The following MAPRE2 variants were observed in gnomAD, a reference collection of about 807,000 sequenced individuals.
MAPRE2 encodes the protein microtubule-associated protein RP/EB family member 2.
MAPRE2 carries 13 observed loss-of-function variants against 43.2 expected under a neutral mutation model. That is an observed-to-expected ratio of 0.30 (90% CI 0.20 to 0.48). The LOEUF (loss-of-function observed/expected upper bound fraction) is 0.48. Ranked by LOEUF, MAPRE2 falls within the 20% of genes least tolerant of loss-of-function variation. The pLI is 0.99. For synonymous variants in MAPRE2, 135 were observed against 148.8 expected, an observed-to-expected ratio of 0.91 and a Z score of 0.68; for missense variants, 161 against 400.2, an observed-to-expected ratio of 0.40 and a Z score of 5.10.
intron 1 of MAPRE2, among the ~76,000 whole-genome samples, chr18:35,047,148 T>C (rs1905672790): frequency 6.6e-6 from 1 of 152,218 alleles, no homozygotes; most frequent in Non-Finnish European, 1.5e-5. Flanking sequence ...CTAAATAGTG[T>C]GTGTGTGTTT....
rs552960920 is a variant in MAPRE2, at chr18:35,070,092, T to C, written c.123-103T>C. Reference sequence around the variant, plus strand: ...AAAGGGCTTAGCCAGAGCAGGACTTTTACATGCCCTGGAGTCCTGCCAGGA... The same window carrying C: ...AAAGGGCTTAGCCAGAGCAGGACTTCTACATGCCCTGGAGTCCTGCCAGGA... On this transcript the variant is annotated intron_variant, in intron 1 of 6. Transcript: ENST00000300249. The C allele has an allele frequency of 3.7e-4, 337 of 908,722 alleles. 3 individuals carry two copies. The Middle Eastern group carries it at 0.011, about 29-fold the overall frequency. The allele number at this position is 908,722 out of a possible 1,614,324, so 56.3% of individuals were successfully genotyped here. A position where few individuals can be genotyped will look rare whatever the true frequency, so the allele number is the denominator to read the frequency against.
At chr18:35,086,938 A>G (rs966552882) in intron 2 of MAPRE2, among the ~76,000 whole-genome samples, 4 of 152,156 alleles carry the variant, frequency 2.6e-5, no homozygotes, top group Non-Finnish European at 5.9e-5. Context: ...TATTAGAGTA[A>G]TATTTCCTTT....
At chr18:35,139,270 A>C (rs79462474) in intron 6 of MAPRE2, among the ~76,000 whole-genome samples, 1,536 of 152,280 alleles carry the variant, frequency 0.01, 12 homozygotes, top group Middle Eastern at 0.034. Flanking sequence ...AGGCATGGGC[A>C]CTTCCATATG....
chr18:35,010,354 C>T (rs1300588160), intron 2 of MAPRE2, among the ~76,000 whole-genome samples: 7 of 152,184 alleles, frequency 4.6e-5, no homozygotes, highest in African/African-American at 9.7e-5. Flanking sequence ...TACAGTGAGC[C>T]GTGATTGTAC....
chr18:35,077,212 C>T (rs1907399877), intron 2 of MAPRE2, among the ~76,000 whole-genome samples: 1 of 151,770 alleles, frequency 6.6e-6, no homozygotes, highest in Non-Finnish European at 1.5e-5. Flanking sequence ...AATAAGTTCT[C>T]TCTCTCTCTC....
At chr18:35,013,806 C>G (rs2097036351) in intron 2 of MAPRE2, among the ~76,000 whole-genome samples, 1 of 152,148 alleles carries the variant, frequency 6.6e-6, no homozygotes, top group South Asian at 2.1e-4. Context: ...GCTTATCTCA[C>G]TTAATATAAT....
intron 3 of MAPRE2, among the ~76,000 whole-genome samples, chr18:35,100,989 A>T (rs1395986010): frequency 6.6e-6 from 1 of 152,232 alleles, no homozygotes; most frequent in Non-Finnish European, 1.5e-5. Context: ...CAGTCAGCCG[A>T]GATCGTGCCA....
chr18:35,032,378 A>G, intron 2 of MAPRE2, among the ~76,000 whole-genome samples: 1 of 152,182 alleles, frequency 6.6e-6, no homozygotes, highest in Admixed American at 6.5e-5. Flanking sequence ...TGTTTCTGGG[A>G]TTGAGTCAAG....
chr18:35,091,706 C>A (rs1908158078), intron 2 of MAPRE2, among the ~76,000 whole-genome samples: 1 of 151,844 alleles, frequency 6.6e-6, no homozygotes. Context: ...TGGGCTATCC[C>A]ACTCTCCCAC....
At chr18:34,996,226 G>C (rs1195682670) in intron 1 of MAPRE2, among the ~76,000 whole-genome samples, 1 of 151,980 alleles carries the variant, frequency 6.6e-6, no homozygotes, top group Non-Finnish European at 1.5e-5. Flanking sequence ...AACCTTTTTG[G>C]CACCAGGGAC....
At chr18:35,060,277 G>A (rs1568988277) in intron 1 of MAPRE2, among the ~76,000 whole-genome samples, 1 of 152,168 alleles carries the variant, frequency 6.6e-6, no homozygotes, top group South Asian at 2.1e-4. Context: ...AGGAGTGGAT[G>A]TGCTGGGAGC....
intron 1 of MAPRE2, among the ~76,000 whole-genome samples, chr18:34,999,973 C>G (rs527796551): frequency 3.9e-5 from 6 of 151,992 alleles, no homozygotes; most frequent in African/African-American, 1.4e-4. Context: ...AGGCAGAGCT[C>G]TCTGAAAGAT....
At chr18:35,007,656 T>G (rs28541570) in intron 2 of MAPRE2, among the ~76,000 whole-genome samples, 3,222 of 152,290 alleles carry the variant, frequency 0.021, 118 homozygotes, top group African/African-American at 0.072. Context: ...ATGGGTTAAG[T>G]TGGTAGGAGA....
At chr18:35,133,314 G>A (rs1453086283) in intron 6 of MAPRE2, among the ~76,000 whole-genome samples, 1 of 151,668 alleles carries the variant, frequency 6.6e-6, no homozygotes, top group Non-Finnish European at 1.5e-5. Flanking sequence ...GTTATCAATA[G>A]CTCAGAATTT....
At chr18:35,136,909 G>A (rs932823886) in intron 6 of MAPRE2, among the ~76,000 whole-genome samples, 4 of 152,208 alleles carry the variant, frequency 2.6e-5, no homozygotes, top group East Asian at 1.9e-4. Flanking sequence ...AGATTGATAC[G>A]CACATATTAG....
intron 2 of MAPRE2, among the ~76,000 whole-genome samples, chr18:35,025,937 G>C (rs190097646): frequency 9.8e-4 from 149 of 152,306 alleles, no homozygotes; most frequent in African/African-American, 3.4e-3. Flanking sequence ...TCTATACACG[G>C]TGGGGCATAA....
intron 6 of MAPRE2, among the ~76,000 whole-genome samples, chr18:35,138,629 CT>C (rs1358937387): frequency 2.6e-5 from 4 of 152,320 alleles, no homozygotes; most frequent in Non-Finnish European, 5.9e-5. Context: ...CTTCTAGGCA[CT>C]TTTCCTATTT....
Position 35,132,103 on chromosome 18 carries a change from G to A in MAPRE2, c.822G>A (p.Glu274=). 1.9e-6 allele frequency: 3 copies of A among 1,614,210 alleles called. No homozygotes were observed. The highest frequency in any genetic ancestry group is 2.5e-6 in the Non-Finnish European group (3 of 1,180,036). The change falls in exon 6 of 7, where the codon GAG becomes GAA. Residue 274 remains glutamate, a synonymous_variant. Coordinates refer to ENST00000300249, the MANE Select transcript of MAPRE2 (RefSeq NM_014268.4). The part of the protein sequence containing the change: ...ERDFYFGKLR[E]IELLCQEHGQ... ...ATTTCTACTTTGGGAAGTTGAGAGA[G>A]ATCGAGCTACTCTGCCAAGAACACG...
intron 1 of MAPRE2, among the ~76,000 whole-genome samples, chr18:35,068,711 A>T (rs1906960971): frequency 6.6e-6 from 1 of 152,238 alleles, no homozygotes; most frequent in South Asian, 2.1e-4. Context: ...CTAATAAATC[A>T]AGAATGAATA....
Sources: gnomAD v4.1 joint callset for allele counts (sites outside exome capture counted in the v4.1 genomes callset) on GRCh38, gnomAD v4.1.1 for gene constraint, MANE v1.5 for transcripts, NCBI Gene and HGNC (gene_info 2026-07-23, HGNC 2026-07-21) for gene names.